Variants in CLK4 observed in about 807,000 individuals in gnomAD.
The protein encoded by CLK4 is CDC like kinase 4, also known as dual specificity protein kinase CLK4.
CLK4 carries 37 observed loss-of-function variants against 64.4 expected under a neutral mutation model. That is an observed-to-expected ratio of 0.57 (90% CI 0.44 to 0.76). The LOEUF (loss-of-function observed/expected upper bound fraction) is 0.76, where lower values mean the gene tolerates loss of function less well. Among genes scored for constraint, CLK4 ranks in the 30% least tolerant of loss-of-function variants. The probability of loss-of-function intolerance (pLI) is 0.00; values close to 1 mark genes in which losing one functional copy is unlikely to be tolerated. For synonymous variants in CLK4, 175 were observed against 191.6 expected (o/e 0.91, Z 0.72); for missense variants, 457 against 605.1 (o/e 0.76, Z 2.57).
chr5:178,626,360 GCA>G (rs1294023028), intron 1 of CLK4, among the ~76,000 whole-genome samples: 14 of 152,218 alleles, frequency 9.2e-5, no homozygotes, highest in Middle Eastern at 3.2e-3. Context: ...GTTCAGCATA[GCA>G]CAGAGGACTA....
At position 178,603,461 on chromosome 5, in the gene CLK4, AAGTT is replaced by A. The variant is rs770335611; in HGVS notation, c.*152_*155del. On this transcript the variant is annotated 3_prime_UTR_variant, in exon 13 of 13. Coordinates refer to ENST00000316308, the MANE Select transcript of CLK4 (RefSeq NM_020666.3). ...ATTATCAAGACCATACTTGCTTAAC[AAGTT>A]AATTATGCTATTGATACAAAACATA... 2 of 471,086 alleles carry A rather than the reference AAGTT, an allele frequency of 4.2e-6. No individual in the cohort carries two copies. The highest frequency in any genetic ancestry group is 7.1e-6 in the Non-Finnish European group (2 of 282,582). 29.2% of individuals were successfully genotyped at this position (471,086 alleles called of 1,614,324 possible).
intron 2 of CLK4, among the ~76,000 whole-genome samples, chr5:178,619,161 A>C (rs1764670261): frequency 6.6e-6 from 1 of 152,218 alleles, no homozygotes; most frequent in Non-Finnish European, 1.5e-5. Flanking sequence ...GTAATGTAAG[A>C]GCATTTTAGA....
In CLK4 at chr5:178,612,419, A is replaced by C. The variant is rs760013789; in HGVS notation, c.1048T>G (p.Leu350Val). ...TRHYRAPEVI[L>V]ALGWSQPCDV... ...AGAAAGCCTGGTGTCTACTGACCCA[A>C]AATGACCTCGGGAGCTCTGTAGTGC... The change falls in exon 9 of 13, where the codon TTG becomes GTG. Residue 350 changes from leucine to valine, a missense_variant. Physicochemically the swap from Leu to Val is conservative, Grantham distance 32. Coordinates refer to ENST00000316308, the MANE Select transcript of CLK4 (RefSeq NM_020666.3). 6.2e-7 allele frequency: 1 copy of C among 1,608,598 alleles called. No individual in the cohort carries two copies. The highest frequency in any genetic ancestry group is 8.5e-7 in the Non-Finnish European group (1 of 1,176,934).
rs1338513516 is a variant in CLK4, at chr5:178,621,496, T to A, written c.161+1760A>T. Among the ~76,000 whole-genome samples, 5 of 152,282 alleles carry A rather than the reference T, an allele frequency of 3.3e-5. No individual in the cohort carries two copies. In the East Asian group the frequency reaches 9.6e-4, roughly 29 times the overall value. On this transcript the variant is annotated intron_variant, in intron 2 of 12. Coordinates refer to ENST00000316308, the MANE Select transcript of CLK4 (RefSeq NM_020666.3). The stretch of plus-strand genomic sequence containing the variant: ...ATGACAAATGGTTAAAATATTGTAA[T>A]AAAAAGCTCTTCTAAATCAATAAAA...
chr5:178,625,298 C>T (rs956710065), intron 1 of CLK4, among the ~76,000 whole-genome samples: 4 of 151,936 alleles, frequency 2.6e-5, no homozygotes, highest in Admixed American at 2.0e-4. Context: ...ATTAGCCGCA[C>T]ATGGTGACTC....
At chr5:178,620,220 T>G (rs7724406) in intron 2 of CLK4, 153,519 of 253,514 alleles carry the variant, frequency 0.61, 48,336 homozygotes, top group African/African-American at 0.83. Context: ...CTAGGTCAGA[T>G]ATCTGATCAG....
Position 178,617,395 on chromosome 5 carries a change from C to T in CLK4, c.424G>A (p.Asp142Asn). 1 of 1,614,086 alleles carries T rather than the reference C, an allele frequency of 6.2e-7. No homozygotes were observed. Among genetic ancestry groups the T allele is most frequent in the Non-Finnish European group, 8.5e-7 (1 of 1,179,952 alleles). Residue 142 changes from aspartate to asparagine, a missense_variant, in exon 4 of 13, where the codon GAT becomes AAT. Coordinates refer to ENST00000316308, the MANE Select transcript of CLK4 (RefSeq NM_020666.3). The surrounding 1 kb of genome is among the most constrained non-coding windows in gnomAD (Gnocchi z 5.2). ...RRKRSRSIED[D>N]EEGHLICQSG... ...TGACAGATCAGGTGACCCTCCTCAT[C>T]ATCCTCTATACTCCTGGATCTTTTC...
In CLK4 at chr5:178,603,704, T is replaced by C; in HGVS notation, c.1359A>G (p.Arg453=). Residue 453 remains arginine, a synonymous_variant, in exon 13 of 13, where the codon CGA becomes CGG. Coordinates refer to ENST00000316308, the MANE Select transcript of CLK4 (RefSeq NM_020666.3). ...EEHEKLFDLV[R]RMLEYDPTQR... The stretch of plus-strand genomic sequence containing the variant: ...GAGTTGGATCATATTCTAACATTCT[T>C]CGAACCAGGTCAAACAGTTTCTCAT... 6.2e-7 allele frequency: 1 copy of C among 1,606,622 alleles called. No individual in the cohort carries two copies. The highest frequency in any genetic ancestry group is 8.5e-7 in the Non-Finnish European group (1 of 1,177,500).
intron 2 of CLK4, 116 bp downstream of exon 2, chr5:178,623,140 C>T (rs1043658583): frequency 1.4e-5 from 14 of 1,029,180 alleles, no homozygotes; most frequent in Non-Finnish European, 1.9e-5. Context: ...ATTTTCTAAA[C>T]GAATATTTGT....
At chr5:178,623,517 G>A (rs1764738457) in intron 1 of CLK4, 101 bp from the exon 2 acceptor site, 1 of 998,148 alleles carries the variant, frequency 1.0e-6, no homozygotes, top group African/African-American at 1.7e-5. Flanking sequence ...CCAACACACA[G>A]GGTCTTACAG....
chr5:178,616,447 C>G (rs1470581760), intron 5 of CLK4, among the ~76,000 whole-genome samples: 1 of 152,116 alleles, frequency 6.6e-6, no homozygotes. Context: ...ATACAAAGTT[C>G]AAGAAACTTT....
At chr5:178,606,598 C>G (rs1189394165) in intron 10 of CLK4, among the ~76,000 whole-genome samples, 1 of 152,142 alleles carries the variant, frequency 6.6e-6, no homozygotes, top group East Asian at 1.9e-4. Context: ...AACAAAACAA[C>G]ACAACACCTC....
chr5:178,614,355 T>C (rs1349856043), intron 5 of CLK4, among the ~76,000 whole-genome samples: 2 of 152,190 alleles, frequency 1.3e-5, no homozygotes, highest in Non-Finnish European at 2.9e-5. Flanking sequence ...TTTGTCAGAT[T>C]GGGAAGGAAA....
intron 6 of CLK4, 33 bp downstream of exon 6, chr5:178,613,694 A>C (rs1233872152): frequency 3.1e-6 from 5 of 1,606,958 alleles, no homozygotes; most frequent in Non-Finnish European, 4.3e-6. Context: ...ATTTCATGTA[A>C]TATGATGGCT....
At chr5:178,607,307 A>G (rs932423022) in intron 10 of CLK4, among the ~76,000 whole-genome samples, 4 of 152,078 alleles carry the variant, frequency 2.6e-5, no homozygotes, top group Non-Finnish European at 5.9e-5. Flanking sequence ...CATTTATACA[A>G]GACACTCTGA....
In CLK4 at chr5:178,612,533, G is replaced by A. The variant is rs1482862364; in HGVS notation, c.934C>T (p.Arg312Cys). The change falls in exon 9 of 13, where the codon CGC becomes TGC. Residue 312 changes from arginine to cysteine, a missense_variant. Coordinates refer to ENST00000316308, the MANE Select transcript of CLK4 (RefSeq NM_020666.3). ...KYNSKMKRDE[R>C]TLKNTDIKVV... ...TTGATATCTGTGTTTTTCAGTGTGC[G>A]TTCATCACGTTTCTAGAGAGACACA... is the stretch of plus-strand genomic sequence containing the variant. The A allele has an allele frequency of 3.1e-6, 5 of 1,613,654 alleles. No homozygotes were observed. The highest frequency in any genetic ancestry group is 3.4e-6 in the Non-Finnish European group (4 of 1,179,870).
intron 1 of CLK4, among the ~76,000 whole-genome samples, chr5:178,626,507 G>A (rs1334219783): frequency 6.6e-6 from 1 of 152,222 alleles, no homozygotes; most frequent in Non-Finnish European, 1.5e-5. Context: ...AGGGGCAAAT[G>A]CTTGACTCTG....
chr5:178,623,923 T>A (rs1764744879), intron 1 of CLK4, among the ~76,000 whole-genome samples: 1 of 152,202 alleles, frequency 6.6e-6, no homozygotes, highest in South Asian at 2.1e-4. Flanking sequence ...GTGAGCTGAT[T>A]TAAGGAGAAA....
chr5:178,614,519 A>G (rs866293351), intron 5 of CLK4, among the ~76,000 whole-genome samples: 3 of 152,228 alleles, frequency 2.0e-5, no homozygotes, highest in South Asian at 4.1e-4. Context: ...GTATAGAGCC[A>G]TAAATGTTGC....
Sources: gnomAD v4.1 joint callset for allele counts (sites outside exome capture counted in the v4.1 genomes callset) on GRCh38, gnomAD v4.1.1 for gene constraint, Gnocchi (gnomAD v3.1) non-coding constraint, MANE v1.5 for transcripts, NCBI Gene and HGNC (gene_info 2026-07-23, HGNC 2026-07-21) for gene names.